Variants in CNTN5 observed in about 807,000 individuals in gnomAD.
CNTN5 encodes contactin-5.
A neutral mutation model predicts 129.1 loss-of-function variants in CNTN5; 77 were observed. The observed-to-expected ratio is 0.60, with a 90% confidence interval of 0.50 to 0.72. The LOEUF is 0.72. Ranked by LOEUF, CNTN5 falls within the 30% of genes least tolerant of loss-of-function variation. The pLI, the probability that CNTN5 is intolerant of heterozygous loss-of-function variation, is 0.00. For missense variants in CNTN5, 1,478 were observed against 1,328.8 expected, an observed-to-expected ratio of 1.11 and a Z score of -1.75; for synonymous variants, 509 against 465.6, an observed-to-expected ratio of 1.09 and a Z score of -1.20.
chr11:99,899,060 T>C (rs1416282161), intron 6 of CNTN5, among the ~76,000 whole-genome samples: 2 of 152,022 alleles, frequency 1.3e-5, no homozygotes, highest in Admixed American at 1.3e-4. Context: ...CTACTGACTT[T>C]TGTATGTTGA....
chr11:99,542,055 T>A (rs1205463288), intron 2 of CNTN5, among the ~76,000 whole-genome samples: 1 of 152,094 alleles, frequency 6.6e-6, no homozygotes, highest in Non-Finnish European at 1.5e-5. Context: ...TGTTTTTAAT[T>A]GTCATATAAT....
chr11:99,322,268 A>T (rs562944400), intron 1 of CNTN5, among the ~76,000 whole-genome samples: 15 of 152,254 alleles, frequency 9.9e-5, no homozygotes, highest in Non-Finnish European at 2.1e-4. Context: ...CACTGCTTGC[A>T]CATGTTTCTG....
chr11:99,408,573 A>G (rs4754628), intron 2 of CNTN5, among the ~76,000 whole-genome samples: 113,719 of 151,668 alleles, frequency 0.75, 43,637 homozygotes, highest in African/African-American at 0.91. Context: ...ACCGCAAGGC[A>G]TCCTCCTGCC....
rs111752536 is a variant in CNTN5, at chr11:100,034,301, C to G, written c.981-26911C>G. On this transcript the variant is annotated intron_variant, in intron 9 of 24. Coordinates refer to ENST00000524871, the MANE Select transcript of CNTN5 (RefSeq NM_014361.4). The stretch of plus-strand genomic sequence containing the variant: ...GCCCATGGTAGAAGTCCAATTAATA[C>G]TCTCCATTGTTATTATCTAACTGTG... 9.0e-4 allele frequency among the ~76,000 whole-genome samples: 137 copies of G among 152,290 alleles called. 2 individuals carry two copies. Among genetic ancestry groups the G allele is most frequent in the Admixed American group, 2.4e-3 (37 of 15,294 alleles).
At position 99,085,452 on chromosome 11, in the gene CNTN5, T is replaced by C. The variant is rs546546923; in HGVS notation, c.-210+64182T>C. Among the ~76,000 whole-genome samples the C allele has an allele frequency of 5.9e-5, 9 of 152,286 alleles. No homozygotes were observed. In the East Asian group the frequency reaches 9.6e-4, roughly 16 times the overall value. ...TAACATTTTTGAAATTTTGGAATTA[T>C]CATAATAAAAAGAATTACTTCATAC... On this transcript the variant is annotated intron_variant, in intron 1 of 24. Coordinates refer to ENST00000524871, the MANE Select transcript of CNTN5 (RefSeq NM_014361.4).
At chr11:99,565,399 A>T (rs1179291266) in intron 3 of CNTN5, among the ~76,000 whole-genome samples, 1 of 152,212 alleles carries the variant, frequency 6.6e-6, no homozygotes, top group Non-Finnish European at 1.5e-5. Context: ...CCATGCCCAG[A>T]TAGACTTTTC....
intron 6 of CNTN5, among the ~76,000 whole-genome samples, chr11:99,909,633 T>TA: frequency 6.6e-6 from 1 of 152,010 alleles, no homozygotes; most frequent in East Asian, 1.9e-4. Flanking sequence ...TATGCAGCCA[T>TA]AAAAAGTATG....
At chr11:100,009,630 C>A (rs1186328471) in intron 9 of CNTN5, among the ~76,000 whole-genome samples, 1 of 151,940 alleles carries the variant, frequency 6.6e-6, no homozygotes. Context: ...TGTAGAAGTT[C>A]ATGAAAAAAT....
At chr11:100,168,402 G>A (rs1318779070) in intron 13 of CNTN5, among the ~76,000 whole-genome samples, 1 of 151,944 alleles carries the variant, frequency 6.6e-6, no homozygotes, top group East Asian at 1.9e-4. Context: ...GTGATTCTAA[G>A]TTGAAGCCAA....
chr11:99,789,373 C>T (rs1406647057), intron 3 of CNTN5, among the ~76,000 whole-genome samples: 1 of 151,764 alleles, frequency 6.6e-6, no homozygotes, highest in African/African-American at 2.4e-5. Flanking sequence ...AACAACAGAA[C>T]TGGGGTTTAA....
At chr11:99,404,473 G>A (rs1451765385) in intron 2 of CNTN5, among the ~76,000 whole-genome samples, 2 of 147,296 alleles carry the variant, frequency 1.4e-5, no homozygotes, top group Non-Finnish European at 3.0e-5. Flanking sequence ...GATTTTCTTT[G>A]GTGCTATGAC....
At chr11:99,122,393 T>G (rs954001454) in intron 1 of CNTN5, among the ~76,000 whole-genome samples, 1 of 152,100 alleles carries the variant, frequency 6.6e-6, no homozygotes, top group Non-Finnish European at 1.5e-5. Context: ...TTAAAAATAT[T>G]AAAATAGATG....
chr11:99,101,059 C>A (rs1461478715), intron 1 of CNTN5, among the ~76,000 whole-genome samples: 1 of 152,104 alleles, frequency 6.6e-6, no homozygotes, highest in Non-Finnish European at 1.5e-5. Context: ...GGAGGACTCA[C>A]AATGATAGTG....
chr11:100,330,998 T>A (rs1951895311), intron 21 of CNTN5, among the ~76,000 whole-genome samples: 1 of 152,148 alleles, frequency 6.6e-6, no homozygotes, highest in Non-Finnish European at 1.5e-5. Context: ...TAACATTGAA[T>A]GTAAATGGCC....
At chr11:99,124,895 A>T (rs1858541666) in intron 1 of CNTN5, among the ~76,000 whole-genome samples, 1 of 152,090 alleles carries the variant, frequency 6.6e-6, no homozygotes, top group Admixed American at 6.6e-5. Flanking sequence ...GGACACATAC[A>T]ACCTCCTAAA....
intron 1 of CNTN5, among the ~76,000 whole-genome samples, chr11:99,159,588 C>G (rs966609654): frequency 6.6e-6 from 1 of 152,114 alleles, no homozygotes; most frequent in African/African-American, 2.4e-5. Flanking sequence ...CACCACTGCA[C>G]TCCAGCCTGG....
At chr11:100,039,499 A>T (rs1441110124) in intron 9 of CNTN5, among the ~76,000 whole-genome samples, 1 of 151,970 alleles carries the variant, frequency 6.6e-6, no homozygotes. Flanking sequence ...GTATTTCCTG[A>T]ATTTGAATGT....
chr11:100,084,791 T>C (rs183032554), intron 13 of CNTN5, among the ~76,000 whole-genome samples: 1 of 152,258 alleles, frequency 6.6e-6, no homozygotes, highest in Admixed American at 6.6e-5. Flanking sequence ...AAGATACCAA[T>C]ATGATTTTGT....
intron 1 of CNTN5, among the ~76,000 whole-genome samples, chr11:99,260,485 A>G (rs928905304): frequency 1.3e-5 from 2 of 151,884 alleles, no homozygotes; most frequent in African/African-American, 4.8e-5. Flanking sequence ...AACACAAAAT[A>G]TCTCTTGGAA....
Sources: allele counts gnomAD v4.1 joint callset (sites outside exome capture counted in the v4.1 genomes callset), GRCh38; gene constraint gnomAD v4.1.1; transcripts MANE v1.5; gene names NCBI Gene and HGNC (gene_info 2026-07-23, HGNC 2026-07-21).